Variants in CNGA3 observed in about 807,000 individuals in gnomAD.
The protein encoded by CNGA3 is cyclic nucleotide-gated channel alpha-3.
CNGA3 carries 42 observed loss-of-function variants against 46.6 expected under a neutral mutation model. The ratio of observed to expected loss-of-function variants is 0.90; its 90% confidence interval spans 0.70 to 1.17. CNGA3 has a LOEUF of 1.17. Ranked by LOEUF, CNGA3 falls within the 50% of genes most tolerant of loss-of-function variation. The pLI, the probability that CNGA3 is intolerant of heterozygous loss-of-function variation, is 0.00. For synonymous variants in CNGA3, 394 were observed against 369.4 expected (o/e 1.07, Z -0.76); for missense variants, 893 against 890.7 (o/e 1.00, Z -0.03).
rs754767905 is a variant in CNGA3, at chr2:98,383,433, G to A, written c.441G>A (p.Thr147=). The A allele has an allele frequency of 1.9e-6, 3 of 1,614,008 alleles. No individual in the cohort carries two copies. Among genetic ancestry groups the A allele is most frequent in the African/African-American group, 1.3e-5 (1 of 74,902 alleles). ...AKCNTNTSNN[T]EEEKKTKKKD... ...GCAACACTAACACCAGCAACAACAC[G>A]GAGGAGGAGTAAGTACCCACACACC... Residue 147 remains threonine, a synonymous_variant, in exon 5 of 8, where the codon ACG becomes ACA. Transcript: ENST00000272602.
In CNGA3 at chr2:98,383,440, G is replaced by A; in HGVS notation, c.448G>A (p.Glu150Lys). ...TAACACCAGCAACAACACGGAGGAG[G>A]AGTAAGTACCCACACACCCAGCAGA... ...NTNTSNNTEE[E>K]KKTKKKDAIV... The change falls in exon 5 of 8, where the codon GAG (glutamate) becomes AAG (lysine). Residue 150 changes from glutamate to lysine, a missense_variant and splice_region_variant. Around this residue, in one of 3 missense-constraint regions of CNGA3, gnomAD observed 333 missense variants for 290.8 expected, o/e 1.15. Transcript: ENST00000272602. 6.2e-7 allele frequency: 1 copy of A among 1,614,166 alleles called. No homozygotes were observed. The highest frequency in any genetic ancestry group is 8.5e-7 in the Non-Finnish European group (1 of 1,180,044).
In CNGA3 at chr2:98,356,433, C is replaced by T. The variant is rs79222573; in HGVS notation, c.-38+9899C>T. Among the ~76,000 whole-genome samples the T allele has an allele frequency of 3.6e-4, 55 of 152,248 alleles. 2 individuals are homozygous for T. The East Asian group carries it at 6.2e-3, about 17-fold the overall frequency. Reference sequence around the variant, plus strand: ...GTGGCCTGGGCTAAGTATGCCTGTCCATCAAGACTCTGTACTCTGTCCTGA... The same window carrying T: ...GTGGCCTGGGCTAAGTATGCCTGTCTATCAAGACTCTGTACTCTGTCCTGA... On this transcript the variant is annotated intron_variant, in intron 1 of 7. Coordinates refer to ENST00000272602, the MANE Select transcript of CNGA3 (RefSeq NM_001298.3).
At chr2:98,368,154 A>G (rs1342110313) in intron 1 of CNGA3, among the ~76,000 whole-genome samples, 4 of 152,274 alleles carry the variant, frequency 2.6e-5, no homozygotes. Flanking sequence ...GACTTAAACT[A>G]TCAAACATCA....
chr2:98,359,295 C>T (rs999127369), intron 1 of CNGA3, among the ~76,000 whole-genome samples: 1 of 152,270 alleles, frequency 6.6e-6, no homozygotes, highest in Admixed American at 6.5e-5. Flanking sequence ...GTGATGTGGT[C>T]TCAGCAAGTG....
chr2:98,356,224 GATGAAGC>G (rs1691876980), intron 1 of CNGA3, among the ~76,000 whole-genome samples: 1 of 152,174 alleles, frequency 6.6e-6, no homozygotes, highest in Non-Finnish European at 1.5e-5. Context: ...AGTTTAATTT[GATGAAGC>G]GAGCCTGCCC....
At chr2:98,386,272 G>A (rs527681477) in intron 5 of CNGA3, among the ~76,000 whole-genome samples, 1 of 152,302 alleles carries the variant, frequency 6.6e-6, no homozygotes, top group East Asian at 1.9e-4. Flanking sequence ...TACATTCAAG[G>A]TCCTTGAGAT....
intron 6 of CNGA3, 107 bp downstream of exon 6, chr2:98,389,881 C>G (rs957649373): frequency 1.3e-6 from 1 of 758,890 alleles, no homozygotes; most frequent in African/African-American, 1.7e-5. Context: ...CTGGACCCCT[C>G]ACGGCCACCA....
At chr2:98,350,019 G>A (rs62156269) in intron 1 of CNGA3, among the ~76,000 whole-genome samples, 19,211 of 152,178 alleles carry the variant, frequency 0.13, 1,810 homozygotes, top group Non-Finnish European at 0.19. Flanking sequence ...TCCTGAACTC[G>A]GCCTGCACCC....
chr2:98,394,367 C>T (rs1299188483), intron 7 of CNGA3, among the ~76,000 whole-genome samples: 3 of 152,118 alleles, frequency 2.0e-5, no homozygotes, highest in South Asian at 2.1e-4. Context: ...GTAACAGTCA[C>T]GTGCAACCAA....
chr2:98,355,645 T>C (rs969445333), intron 1 of CNGA3, among the ~76,000 whole-genome samples: 4 of 152,254 alleles, frequency 2.6e-5, no homozygotes, highest in Admixed American at 2.0e-4. Context: ...TTGACTATCA[T>C]GGCCAAAATT....
chr2:98,389,662 A>G lies in CNGA3; in HGVS notation c.454A>G (p.Lys152Glu), dbSNP rs759796739. The G allele has an allele frequency of 1.2e-6, 2 of 1,613,864 alleles. No homozygotes were observed. The highest frequency in any genetic ancestry group is 1.7e-6 in the Non-Finnish European group (2 of 1,179,920). The stretch of plus-strand genomic sequence containing the variant: ...TGTGTATGTGTGGGTTTCCAGGAAG[A>G]AGACGAAAAAGAAGGATGCGATCGT... ...NTSNNTEEEK[K>E]TKKKDAIVVD... The change falls in exon 6 of 8, where the codon AAG becomes GAG. Residue 152 changes from lysine (K) to glutamate (E), a missense_variant. Coordinates refer to ENST00000272602, the MANE Select transcript of CNGA3 (RefSeq NM_001298.3).
chr2:98,366,191 C>A (rs886108947), intron 1 of CNGA3, among the ~76,000 whole-genome samples: 1 of 152,142 alleles, frequency 6.6e-6, no homozygotes, highest in Non-Finnish European at 1.5e-5. Context: ...CTCTCCAGAC[C>A]CCATTCACCT....
intron 7 of CNGA3, 135 bp from the exon 8 acceptor site, chr2:98,395,708 GT>G: frequency 1.4e-6 from 1 of 723,074 alleles, no homozygotes; most frequent in Non-Finnish European, 2.4e-6. Context: ...AATGGTAAGT[GT>G]TGTTTTTGAA....
intron 6 of CNGA3, among the ~76,000 whole-genome samples, chr2:98,390,351 A>T (rs2104231542): frequency 6.6e-6 from 1 of 151,622 alleles, no homozygotes; most frequent in East Asian, 1.9e-4. Flanking sequence ...GTTTCACCAT[A>T]TTGGCTAGGC....
chr2:98,361,331 C>T (rs914924152), intron 1 of CNGA3, among the ~76,000 whole-genome samples: 3 of 152,128 alleles, frequency 2.0e-5, no homozygotes, highest in African/African-American at 7.2e-5. Flanking sequence ...GCTTCCAGCT[C>T]CATCCATGTC....
At chr2:98,394,500 T>G (rs1692863305) in intron 7 of CNGA3, among the ~76,000 whole-genome samples, 1 of 152,234 alleles carries the variant, frequency 6.6e-6, no homozygotes, top group African/African-American at 2.4e-5. Context: ...TATTTTCAAA[T>G]GTATGCAAAA....
intron 2 of CNGA3, among the ~76,000 whole-genome samples, chr2:98,370,509 G>A (rs928487906): frequency 9.9e-5 from 15 of 152,198 alleles, no homozygotes; most frequent in African/African-American, 1.9e-4. Flanking sequence ...CCCTGCCCTC[G>A]CTTCCAGGGG....
chr2:98,364,232 G>A (rs1430986394), intron 1 of CNGA3, among the ~76,000 whole-genome samples: 1 of 152,062 alleles, frequency 6.6e-6, no homozygotes, highest in Non-Finnish European at 1.5e-5. Flanking sequence ...ACAAAAATTA[G>A]CCAGGCATGG....
chr2:98,360,140 C>T (rs943353206), intron 1 of CNGA3, among the ~76,000 whole-genome samples: 5 of 152,206 alleles, frequency 3.3e-5, no homozygotes, highest in Non-Finnish European at 7.3e-5. Context: ...TGGCTCCGGC[C>T]TTCAGCAGCA....
Sources: gnomAD v4.1 joint callset for allele counts (sites outside exome capture counted in the v4.1 genomes callset) on GRCh38, gnomAD v4.1.1 for gene constraint, gnomAD v4.1.1 regional missense constraint, MANE v1.5 for transcripts, NCBI Gene and HGNC (gene_info 2026-07-23, HGNC 2026-07-21) for gene names.